The following SEMA3E variants were observed in gnomAD, a reference collection of about 807,000 sequenced individuals.
The protein encoded by SEMA3E is semaphorin 3E.
A neutral mutation model predicts 93.6 loss-of-function variants in SEMA3E; 49 were observed. The observed-to-expected ratio is 0.52, with a 90% CI of 0.42 to 0.66. The LOEUF (loss-of-function observed/expected upper bound fraction) is 0.66. Ranked by LOEUF, SEMA3E falls within the 30% of genes least tolerant of loss-of-function variation. The pLI is 0.00. For synonymous variants in SEMA3E, 363 were observed against 330.7 expected (o/e 1.10, Z -1.06); for missense variants, 906 against 964.8 (o/e 0.94, Z 0.81).
chr7:83,411,436 G>C (rs920570478), intron 5 of SEMA3E, among the ~76,000 whole-genome samples: 1 of 151,954 alleles, frequency 6.6e-6, no homozygotes, highest in Non-Finnish European at 1.5e-5. Flanking sequence ...TCCTCAGAAG[G>C]GAGAGATATT....
At chr7:83,571,030 A>G (rs1792276426) in intron 1 of SEMA3E, among the ~76,000 whole-genome samples, 1 of 151,684 alleles carries the variant, frequency 6.6e-6, no homozygotes, top group African/African-American at 2.4e-5. Context: ...GGAAACCTGA[A>G]AAGACCAATA....
At chr7:83,561,409 T>C (rs1314121331) in intron 1 of SEMA3E, among the ~76,000 whole-genome samples, 1 of 152,088 alleles carries the variant, frequency 6.6e-6, no homozygotes, top group Non-Finnish European at 1.5e-5. Context: ...CCAAAATAAT[T>C]TCACTGTAGA....
chr7:83,457,993 C>T (rs1349015830), intron 4 of SEMA3E, among the ~76,000 whole-genome samples: 1 of 151,894 alleles, frequency 6.6e-6, no homozygotes, highest in African/African-American at 2.4e-5. Context: ...GGGGATAAAT[C>T]TCATACTGCT....
chr7:83,623,406 AC>A (rs1283595785), intron 1 of SEMA3E, among the ~76,000 whole-genome samples: 11 of 152,148 alleles, frequency 7.2e-5, no homozygotes, highest in African/African-American at 1.2e-4. Flanking sequence ...TACAACATGA[AC>A]CCATTCTTAT....
chr7:83,433,918 T>A (rs1377403740), intron 4 of SEMA3E, among the ~76,000 whole-genome samples: 1 of 152,126 alleles, frequency 6.6e-6, no homozygotes, highest in African/African-American at 2.4e-5. Flanking sequence ...AACCTCATTA[T>A]TTTGGGAAAG....
chr7:83,523,558 G>T (rs906698442), intron 1 of SEMA3E, among the ~76,000 whole-genome samples: 1 of 152,004 alleles, frequency 6.6e-6, no homozygotes, highest in Non-Finnish European at 1.5e-5. Context: ...TTCTCTCTCA[G>T]TGGCATGTGC....
intron 1 of SEMA3E, among the ~76,000 whole-genome samples, chr7:83,586,953 T>G (rs2115930493): frequency 6.6e-6 from 1 of 152,264 alleles, no homozygotes; most frequent in African/African-American, 2.4e-5. Context: ...ATTTCATGCT[T>G]ACTGGAATAG....
intron 1 of SEMA3E, among the ~76,000 whole-genome samples, chr7:83,566,061 A>C (rs929317903): frequency 1.7e-4 from 1 of 5,868 alleles, no homozygotes; most frequent in Non-Finnish European, 3.3e-4. Flanking sequence ...CAGTGGCACT[A>C]TGTGGGCTCA....
intron 1 of SEMA3E, among the ~76,000 whole-genome samples, chr7:83,571,682 C>G (rs1019287239): frequency 1.3e-5 from 2 of 152,156 alleles, no homozygotes; most frequent in African/African-American, 4.8e-5. Context: ...GATGCCCACT[C>G]TCACCACTCC....
intron 1 of SEMA3E, among the ~76,000 whole-genome samples, chr7:83,553,085 T>G (rs1449833000): frequency 2.6e-5 from 4 of 152,120 alleles, no homozygotes; most frequent in Admixed American, 6.6e-5. Flanking sequence ...AATAAAAACT[T>G]GCTGGCTTGG....
intron 10 of SEMA3E, among the ~76,000 whole-genome samples, chr7:83,400,725 G>T (rs1307877712): frequency 6.6e-6 from 1 of 152,124 alleles, no homozygotes; most frequent in African/African-American, 2.4e-5. Context: ...GTGAAGTATA[G>T]TTACTATCAA....
chr7:83,567,059 G>C (rs1368455806), intron 1 of SEMA3E, among the ~76,000 whole-genome samples: 1 of 152,038 alleles, frequency 6.6e-6, no homozygotes, highest in Non-Finnish European at 1.5e-5. Context: ...AAAGCAAAAG[G>C]ATAGAAACAG....
chr7:83,572,197 A>AT (rs56192493), intron 1 of SEMA3E, among the ~76,000 whole-genome samples: 14,956 of 140,418 alleles, frequency 0.11, 969 homozygotes, highest in East Asian at 0.21. Flanking sequence ...TACCAACATA[A>AT]TTTTTTTTTG....
rs1301881220 is a variant in SEMA3E, at chr7:83,408,381, C to T, written c.657G>A (p.Glu219=). 3 of 1,613,778 alleles carry T rather than the reference C, an allele frequency of 1.9e-6. No homozygotes were observed. Among genetic ancestry groups the T allele is most frequent in the Admixed American group, 3.3e-5 (2 of 59,908 alleles). The stretch of plus-strand genomic sequence containing the variant: ...CCTCATCCTTACCTTTCAACAGACG[C>T]TCATCGTCATGCTCAGTGCGGATAT... ...LAHIRTEHDD[E]RLLKEPKFVG... Residue 219 remains glutamate (E), a synonymous_variant, in exon 6 of 17, where the codon GAG becomes GAA. Transcript: ENST00000643230.
At chr7:83,605,405 T>C (rs1019910327) in intron 1 of SEMA3E, among the ~76,000 whole-genome samples, 1 of 151,966 alleles carries the variant, frequency 6.6e-6, no homozygotes, top group Non-Finnish European at 1.5e-5. Context: ...TTTATTCACA[T>C]GTTTCTTGGC....
chr7:83,454,272 A>AAAAAAATATATATAT (rs1257792756), intron 4 of SEMA3E, among the ~76,000 whole-genome samples: 2 of 110,134 alleles, frequency 1.8e-5, no homozygotes, highest in African/African-American at 8.7e-5. Flanking sequence ...AAAAAAAAAA[A>AAAAAAATATATATAT]ATATATATAT....
chr7:83,611,900 G>A (rs1793274233), intron 1 of SEMA3E, among the ~76,000 whole-genome samples: 1 of 152,026 alleles, frequency 6.6e-6, no homozygotes, highest in Admixed American at 6.6e-5. Context: ...TACAGCTTAT[G>A]TCTTACCTTT....
chr7:83,509,733 G>T (rs1790777430), intron 1 of SEMA3E, among the ~76,000 whole-genome samples: 1 of 152,038 alleles, frequency 6.6e-6, no homozygotes, highest in African/African-American at 2.4e-5. Flanking sequence ...AAGAGAGTAT[G>T]GCCTATTTGA....
chr7:83,574,468 AAAAGAG>A (rs1447272826), intron 1 of SEMA3E, among the ~76,000 whole-genome samples: 2 of 115,254 alleles, frequency 1.7e-5, no homozygotes, highest in African/African-American at 8.9e-5. Context: ...TAAAAAAAAA[AAAAGAG>A]AGAGAGAGAC....
Sources: allele counts gnomAD v4.1 joint callset (sites outside exome capture counted in the v4.1 genomes callset), GRCh38; gene constraint gnomAD v4.1.1; transcripts MANE v1.5; gene names NCBI Gene and HGNC (gene_info 2026-07-23, HGNC 2026-07-21).